The following GLI3 variants were observed in gnomAD, a reference collection of about 807,000 sequenced individuals.
GLI3 encodes the protein transcription activator GLI3.
Under a neutral mutation model 100.8 loss-of-function variants are expected in GLI3, and 20 were observed. The ratio of observed to expected loss-of-function variants is 0.20; its 90% CI spans 0.14 to 0.29. The LOEUF is 0.29. Ranked by LOEUF, GLI3 falls within the 10% of genes least tolerant of loss-of-function variation. The pLI, the probability that GLI3 is intolerant of heterozygous loss-of-function variation, is 1.00. For missense variants in GLI3, 2,040 were observed against 2,128.5 expected, an observed-to-expected ratio of 0.96 and a Z score of 0.82; for synonymous variants, 938 against 860.5, an observed-to-expected ratio of 1.09 and a Z score of -1.58.
chr7:41,981,795 G>A (rs936704442), intron 10 of GLI3, among the ~76,000 whole-genome samples: 4 of 152,216 alleles, frequency 2.6e-5, no homozygotes, highest in Admixed American at 2.6e-4. Flanking sequence ...GGTGTTGAGG[G>A]ATCCGGCACT....
chr7:42,016,407 A>T (rs906192736), intron 10 of GLI3, among the ~76,000 whole-genome samples: 11 of 152,206 alleles, frequency 7.2e-5, no homozygotes, highest in Non-Finnish European at 1.5e-5. Context: ...CTGAATATTA[A>T]CCTAACCCCT....
intron 1 of GLI3, among the ~76,000 whole-genome samples, chr7:42,231,446 T>G (rs1441831465): frequency 6.6e-6 from 1 of 152,224 alleles, no homozygotes; most frequent in Admixed American, 6.5e-5. Flanking sequence ...CAGAATTCTT[T>G]AGCTGTCTTA....
At chr7:42,100,965 T>C (rs1246803911) in intron 3 of GLI3, among the ~76,000 whole-genome samples, 1 of 152,096 alleles carries the variant, frequency 6.6e-6, no homozygotes, top group Non-Finnish European at 1.5e-5. Context: ...ATAATAAATT[T>C]CTGTTGTTTT....
At chr7:42,148,093 C>T (rs1786761388) in intron 3 of GLI3, 133 bp downstream of exon 3, 4 of 884,092 alleles carry the variant, frequency 4.5e-6, no homozygotes. Flanking sequence ...AAGAAAATTA[C>T]ACCTTTTAAT....
rs2128707014 is a variant in GLI3 at position 41,967,724 on chromosome 7, T to C, written c.2303A>G (p.Asn768Ser). Residue 768 changes from asparagine (N) to serine (S), a missense_variant, in exon 14 of 15, where the codon AAC (asparagine) becomes AGC (serine). Around this residue, in one of 5 missense-constraint regions of GLI3, gnomAD observed 327 missense variants for 338.7 expected, o/e 0.97. Coordinates refer to ENST00000395925, the MANE Select transcript of GLI3 (RefSeq NM_000168.6). The part of the protein sequence containing the change: ...TTALALQARR[N>S]PAGTKWMEHV... ...CTCCATCCATTTGGTCCCTGCCGGG[T>C]TTCTCCTGGCTTGCAAAGCAAGGGC... 6.2e-7 allele frequency: 1 copy of C among 1,614,170 alleles called. No individual in the cohort carries two copies. Among genetic ancestry groups the C allele is most frequent in the Non-Finnish European group, 8.5e-7 (1 of 1,180,034 alleles).
intron 10 of GLI3, among the ~76,000 whole-genome samples, chr7:42,006,322 A>G (rs908226294): frequency 3.9e-5 from 6 of 152,168 alleles, no homozygotes; most frequent in African/African-American, 7.2e-5. Context: ...TCAGCTCTGG[A>G]GTGAGGCTCA....
chr7:42,162,965 CTTTTTTTT>C (rs58993499), intron 2 of GLI3, among the ~76,000 whole-genome samples: 7 of 95,594 alleles, frequency 7.3e-5, no homozygotes, highest in African/African-American at 2.2e-4. Context: ...GAATAAACAC[CTTTTTTTT>C]TTTTTTTTTT....
At position 41,966,222 on chromosome 7, in the gene GLI3, T is replaced by A. The variant is rs1191122250; in HGVS notation, c.2851A>T (p.Met951Leu). The stretch of plus-strand genomic sequence containing the variant: ...AGCGCCAGGCGCGTCTTCAGGCTCA[T>A]CCTCTCCATGTTGGGCAGGGGCGTC... Reference protein sequence around the residue: ...PPTPLPNMERMSLKTRLALLG... With the variant: ...PPTPLPNMERLSLKTRLALLG... The change falls in exon 15 of 15, where the codon ATG (methionine) becomes TTG (leucine). Residue 951 changes from methionine (M) to leucine (L), a missense_variant. Met to Leu is a conservative substitution (Grantham distance 15, BLOSUM62 2). This residue lies in a region of GLI3 where 1,041 missense variants were observed against 924.0 expected (regional missense o/e 1.13). Coordinates refer to ENST00000395925, the MANE Select transcript of GLI3 (RefSeq NM_000168.6). This position sits in a 1 kb window ranked among gnomAD's most constrained non-coding sequence, Gnocchi z 5.8. 6 of 1,608,750 alleles carry A rather than the reference T, an allele frequency of 3.7e-6. No individual in the cohort carries two copies. The highest frequency in any genetic ancestry group is 2.2e-5 in the East Asian group (1 of 44,796).
Position 41,961,914 on chromosome 7 carries a change from T to C in GLI3, c.*2416A>G, listed in dbSNP as rs1002368797. 1 of 151,802 alleles carries C rather than the reference T, an allele frequency of 6.6e-6. No individual in the cohort carries two copies. Among genetic ancestry groups the C allele is most frequent in the Non-Finnish European group, 1.5e-5 (1 of 67,978 alleles). The allele number at this position is 151,802 out of a possible 1,614,324, so 9.4% of individuals were successfully genotyped here. ...TTTCCATATTGAGAGAAGCCAAACA[T>C]TGAGCTGAAACTTGCATCTCCTGCA... On this transcript the variant is annotated 3_prime_UTR_variant, in exon 15 of 15. Transcript: ENST00000395925.
At chr7:42,134,924 GA>G (rs1225870991) in intron 3 of GLI3, among the ~76,000 whole-genome samples, 1 of 152,028 alleles carries the variant, frequency 6.6e-6, no homozygotes, top group African/African-American at 2.4e-5. Context: ...TGTGTTATGT[GA>G]ATTTCTCAGA....
intron 3 of GLI3, among the ~76,000 whole-genome samples, chr7:42,110,054 G>A (rs1014726838): frequency 6.6e-6 from 1 of 152,126 alleles, no homozygotes; most frequent in African/African-American, 2.4e-5. Context: ...TATTATAACA[G>A]CAAGAATCAT....
At chr7:42,087,471 A>G (rs193256695) in intron 3 of GLI3, among the ~76,000 whole-genome samples, 7 of 152,306 alleles carry the variant, frequency 4.6e-5, no homozygotes, top group Admixed American at 2.0e-4. Flanking sequence ...ACCCCATGCC[A>G]CCACCTCTAA....
rs1438260933 is a variant in GLI3 at position 42,197,477 on chromosome 7, CT to C, written c.124+25652del. 2.6e-5 allele frequency among the ~76,000 whole-genome samples: 4 copies of C among 152,360 alleles called. No individual in the cohort carries two copies. The South Asian group carries it at 6.2e-4, about 24-fold the overall frequency. On this transcript the variant is annotated intron_variant, in intron 2 of 14. Transcript: ENST00000395925. Reference sequence around the variant, plus strand: ...ACTAACACAATCACAGTTAAAACAACTTGCTCTTAGAGAGCAGGGGGAGTTG... The same window carrying C: ...ACTAACACAATCACAGTTAAAACAACTGCTCTTAGAGAGCAGGGGGAGTTG...
chr7:42,017,096 G>A (rs1788785606), intron 10 of GLI3, among the ~76,000 whole-genome samples: 1 of 152,194 alleles, frequency 6.6e-6, no homozygotes, highest in African/African-American at 2.4e-5. Flanking sequence ...ATCCACTAAT[G>A]TTGGCTTGTA....
At chr7:42,110,930 C>T (rs565091764) in intron 3 of GLI3, among the ~76,000 whole-genome samples, 1 of 152,090 alleles carries the variant, frequency 6.6e-6, no homozygotes, top group Non-Finnish European at 1.5e-5. Context: ...GGTTTGAGAA[C>T]GACAAGAGTC....
intron 2 of GLI3, among the ~76,000 whole-genome samples, chr7:42,155,216 G>T (rs1319601414): frequency 6.6e-6 from 1 of 152,080 alleles, no homozygotes; most frequent in Admixed American, 6.6e-5. Flanking sequence ...GAGGTGGGCA[G>T]ATAACCCAAA....
chr7:42,019,093 G>C (rs1286559107), intron 10 of GLI3, among the ~76,000 whole-genome samples: 6 of 152,170 alleles, frequency 3.9e-5, no homozygotes, highest in Non-Finnish European at 1.5e-5. Flanking sequence ...TTGAAATTGA[G>C]GGTGAAGAGT....
chr7:41,991,503 T>C (rs1787986581), intron 10 of GLI3, among the ~76,000 whole-genome samples: 2 of 152,208 alleles, frequency 1.3e-5, no homozygotes, highest in Admixed American at 1.3e-4. Flanking sequence ...AAAATCTCCA[T>C]ACACGCAATA....
rs1292448539 is a variant in GLI3, at chr7:42,077,732, TA to T, written c.368-876del. ...ATTGTCACTGAAAATAAACCTTTAT[TA>T]AAAAAAAAAAAGTGATTCACTGTAA... On this transcript the variant is annotated intron_variant, in intron 3 of 14. Coordinates refer to ENST00000395925, the MANE Select transcript of GLI3 (RefSeq NM_000168.6). 4.9e-3 allele frequency among the ~76,000 whole-genome samples: 692 copies of T among 142,278 alleles called. 6 individuals are homozygous for T. The highest frequency in any genetic ancestry group is 0.014 in the African/African-American group (540 of 38,958). 93.3% of individuals were successfully genotyped at this position (142,278 alleles called of 152,430 possible).
Sources: allele counts gnomAD v4.1 joint callset (sites outside exome capture counted in the v4.1 genomes callset), GRCh38; gene constraint gnomAD v4.1.1; regional missense constraint gnomAD v4.1.1; non-coding constraint Gnocchi (gnomAD v3.1); transcripts MANE v1.5; gene names NCBI Gene and HGNC (gene_info 2026-07-23, HGNC 2026-07-21).